SLC2A11: variants seen among roughly 807,000 people sequenced by gnomAD.
The protein encoded by SLC2A11 is solute carrier family 2, facilitated glucose transporter member 11.
In SLC2A11, 43 loss-of-function variants were observed where a neutral mutation model predicts 52.1. That is an observed-to-expected ratio of 0.82 (90% CI 0.65 to 1.06). The LOEUF (loss-of-function observed/expected upper bound fraction) is 1.06, where lower values mean the gene tolerates loss of function less well. Among genes scored for constraint, SLC2A11 ranks in the 50% least tolerant of loss-of-function variants. The pLI is 0.00. For synonymous variants in SLC2A11, 261 were observed against 277.6 expected, an observed-to-expected ratio of 0.94 and a Z score of 0.59; for missense variants, 582 against 654.2, an observed-to-expected ratio of 0.89 and a Z score of 1.20.
intron 4 of SLC2A11, 86 bp downstream of exon 4, chr22:23,875,327 A>C: frequency 7.9e-7 from 1 of 1,269,910 alleles, no homozygotes; most frequent in South Asian, 3.0e-5. Flanking sequence ...TTCTTCCTTC[A>C]TTTCCTCCCT....
At chr22:23,857,874 C>G, upstream of SLC2A11, 3 of 1,543,274 alleles carry the variant, frequency 1.9e-6, no homozygotes, top group Non-Finnish European at 2.6e-6. Flanking sequence ...TGCGCTAGCG[C>G]CTCTTTCACC....
At chr22:23,859,127 GTTC>G (rs1315057584) in intron 1 of SLC2A11, among the ~76,000 whole-genome samples, 3 of 152,340 alleles carry the variant, frequency 2.0e-5, no homozygotes, top group Non-Finnish European at 2.9e-5. Flanking sequence ...CAAGCACTGT[GTTC>G]GCTGCTTCCT....
At position 23,860,970 on chromosome 22, in the gene SLC2A11, C is replaced by T. The variant is rs192729292; in HGVS notation, c.31-1134C>T. On this transcript the variant is annotated intron_variant, in intron 1 of 11. Coordinates refer to ENST00000316185, the MANE Select transcript of SLC2A11 (RefSeq NM_001024939.4). ...ACACCATTCTCCTGCCTCAGCCTCC[C>T]CAGTAGCTGGGTCTACAGGTGCCCG... is the stretch of plus-strand genomic sequence containing the variant. Among the ~76,000 whole-genome samples the T allele has an allele frequency of 7.4e-3, 1,123 of 151,990 alleles. 14 individuals carry two copies. The highest frequency in any genetic ancestry group is 0.024 in the African/African-American group (1,014 of 41,524).
At chr22:23,881,975 C>G (rs868626417) in intron 6 of SLC2A11, 35 of 161,214 alleles carry the variant, frequency 2.2e-4, no homozygotes, top group African/African-American at 8.9e-4. Context: ...CACACACACA[C>G]AGAGACAGAG....
rs59754286 is a variant in SLC2A11 at position 23,868,749 on chromosome 22, A to T, written c.290+108A>T. The T allele has an allele frequency of 1.7e-3, 2,315 of 1,337,554 alleles. 35 individuals carry two copies. The African/African-American group carries it at 0.025, about 14-fold the overall frequency. The allele number at this position is 1,337,554 out of a possible 1,614,324, so 82.9% of individuals were successfully genotyped here. A position where few individuals can be genotyped will look rare whatever the true frequency, so the allele number is the denominator to read the frequency against. ...GAGGCCCGGCAAGCTCCAGGCCCAGATCAGCTCCTCATCCAGCCTCTTACT... is the reference window on the plus strand; with the variant it reads ...GAGGCCCGGCAAGCTCCAGGCCCAGTTCAGCTCCTCATCCAGCCTCTTACT... On this transcript the variant is annotated intron_variant, in intron 3 of 11. Coordinates refer to ENST00000316185, the MANE Select transcript of SLC2A11 (RefSeq NM_001024939.4).
intron 2 of SLC2A11, 187 bp from the exon 3 acceptor site, chr22:23,868,294 T>C (rs2032333678): frequency 1.6e-6 from 1 of 619,880 alleles, no homozygotes; most frequent in Non-Finnish European, 2.8e-6. Context: ...AGAACCAGCA[T>C]GGTGCCCTGC....
intron 4 of SLC2A11, among the ~76,000 whole-genome samples, chr22:23,875,477 A>G (rs2032588591): frequency 6.6e-6 from 1 of 152,188 alleles, no homozygotes; most frequent in South Asian, 2.1e-4. Flanking sequence ...TGGGGGAATA[A>G]GCATCTCCAA....
chr22:23,857,876 T>A lies in SLC2A11; in HGVS notation c.-124T>A, dbSNP rs2031908163. Reference sequence around the variant, plus strand: ...CGCTCACTGCGCGTGCGCTAGCGCCTCTTTCACCACTGGGCGCTGCGCGCT... The same window carrying A: ...CGCTCACTGCGCGTGCGCTAGCGCCACTTTCACCACTGGGCGCTGCGCGCT... On this transcript the variant is annotated 5_prime_UTR_variant, in exon 1 of 12. Transcript: ENST00000316185. 1 of 1,546,388 alleles carries A rather than the reference T, an allele frequency of 6.5e-7. No individual in the cohort carries two copies. The highest frequency in any genetic ancestry group is 8.7e-7 in the Non-Finnish European group (1 of 1,147,804).
In SLC2A11 at chr22:23,883,041, A is replaced by C; in HGVS notation, c.993+172A>C. ...TTTGGGAGGCCGAGGTGGGTGGATC[A>C]CAAGGTCAGGAGTTCGAGACCAGCC... On this transcript the variant is annotated intron_variant, in intron 8 of 11. Transcript: ENST00000316185. The C allele has an allele frequency of 4.2e-6, 3 of 707,278 alleles. No individual in the cohort carries two copies. The Admixed American group carries it at 6.1e-5, about 14-fold the overall frequency. 43.8% of individuals were successfully genotyped at this position (707,278 alleles called of 1,614,324 possible). A position where few individuals can be genotyped will look rare whatever the true frequency, so the allele number is the denominator to read the frequency against.
intron 4 of SLC2A11, among the ~76,000 whole-genome samples, chr22:23,875,934 G>C (rs913451714): frequency 2.0e-5 from 3 of 152,180 alleles, no homozygotes; most frequent in Non-Finnish European, 4.4e-5. Flanking sequence ...CAGGGCTGCA[G>C]ACATCAGAAG....
intron 4 of SLC2A11, among the ~76,000 whole-genome samples, 199 bp downstream of exon 4, chr22:23,875,440 C>T (rs1343276651): frequency 1.3e-5 from 2 of 151,986 alleles, no homozygotes; most frequent in African/African-American, 4.8e-5. Flanking sequence ...AAAGTAGGTA[C>T]AGAACAATGG....
In SLC2A11 at chr22:23,857,877, C is replaced by A; in HGVS notation, c.-123C>A. ...GCTCACTGCGCGTGCGCTAGCGCCT[C>A]TTTCACCACTGGGCGCTGCGCGCTG... On this transcript the variant is annotated 5_prime_UTR_variant, in exon 1 of 12. Coordinates refer to ENST00000316185, the MANE Select transcript of SLC2A11 (RefSeq NM_001024939.4). 1 of 1,547,694 alleles carries A rather than the reference C, an allele frequency of 6.5e-7. No homozygotes were observed.
chr22:23,878,153 C>T (rs1005564853), intron 6 of SLC2A11, among the ~76,000 whole-genome samples: 1 of 152,224 alleles, frequency 6.6e-6, no homozygotes, highest in Non-Finnish European at 1.5e-5. Flanking sequence ...AACACCTGTG[C>T]AAGACCTCAC....
intron 6 of SLC2A11, 96 bp from the exon 7 acceptor site, chr22:23,882,363 A>T: frequency 9.0e-7 from 1 of 1,115,602 alleles, no homozygotes; most frequent in Non-Finnish European, 1.2e-6. Context: ...GTGAGCCAAG[A>T]AGGAAAGGAA....
rs762365395 is a variant in SLC2A11, at chr22:23,884,119, C to T, written c.1171+95C>T. On this transcript the variant is annotated intron_variant, in intron 10 of 11. Coordinates refer to ENST00000316185, the MANE Select transcript of SLC2A11 (RefSeq NM_001024939.4). This position sits in a 1 kb window ranked among gnomAD's most constrained non-coding sequence, Gnocchi z 4.3. ...GTGGGTGGGTGTGAATGCAATGTCC[C>T]CTGCAGGCCCTCAGAGACCACCTCA... is the stretch of plus-strand genomic sequence containing the variant. 1 of 1,530,290 alleles carries T rather than the reference C, an allele frequency of 6.5e-7. No homozygotes were observed. Among genetic ancestry groups the T allele is most frequent in the Non-Finnish European group, 8.8e-7 (1 of 1,134,560 alleles). 94.8% of individuals were successfully genotyped at this position (1,530,290 alleles called of 1,614,324 possible).
At position 23,875,106 on chromosome 22, in the gene SLC2A11, C is replaced by T; in HGVS notation, c.291-11C>T. On this transcript the variant is annotated splice_polypyrimidine_tract_variant and intron_variant, in intron 3 of 11. Transcript: ENST00000316185. ...ACAGCCTCTCTTTCTGTGTGTTTCA[C>T]TTCCCCCAAGGAAGAAGTCCCTCCT... 3.8e-6 allele frequency: 6 copies of T among 1,563,670 alleles called. No individual in the cohort carries two copies. The highest frequency in any genetic ancestry group is 5.2e-6 in the Non-Finnish European group (6 of 1,153,772).
chr22:23,876,002 G>A (rs2032602330), intron 4 of SLC2A11, among the ~76,000 whole-genome samples: 1 of 152,030 alleles, frequency 6.6e-6, no homozygotes, highest in Non-Finnish European at 1.5e-5. Flanking sequence ...CCATTGGCAG[G>A]AGGTCTCAGC....
At chr22:23,867,921 G>A (rs538348399) in intron 2 of SLC2A11, 45 of 336,326 alleles carry the variant, frequency 1.3e-4, no homozygotes, top group South Asian at 1.0e-3. Context: ...GCCTTCCTGA[G>A]TTTCGTGAGC....
At position 23,885,060 on chromosome 22, in the gene SLC2A11, A is replaced by T; in HGVS notation, c.*211A>T. 1.8e-6 allele frequency: 1 copy of T among 568,676 alleles called. No homozygotes were observed. The highest frequency in any genetic ancestry group is 2.9e-5 in the East Asian group (1 of 33,902). The allele number at this position is 568,676 out of a possible 1,614,324, so 35.2% of individuals were successfully genotyped here. The stretch of plus-strand genomic sequence containing the variant: ...ATTAACTGACAGAAAATCAGTAACA[A>T]CATAATTACAGGCTGGTTGTGGCAG... On this transcript the variant is annotated 3_prime_UTR_variant, in exon 12 of 12. Transcript: ENST00000316185.
Sources: allele counts gnomAD v4.1 joint callset (sites outside exome capture counted in the v4.1 genomes callset), GRCh38; gene constraint gnomAD v4.1.1; non-coding constraint Gnocchi (gnomAD v3.1); transcripts MANE v1.5; gene names NCBI Gene and HGNC (gene_info 2026-07-23, HGNC 2026-07-21).